Variants in ATRNL1 observed in about 807,000 individuals in gnomAD.
ATRNL1 encodes the protein attractin-like protein 1.
A neutral mutation model predicts 182.7 loss-of-function variants in ATRNL1; 95 were observed. The observed-to-expected ratio is 0.52, with a 90% CI of 0.44 to 0.62. ATRNL1 has a LOEUF of 0.62. Among genes scored for constraint, ATRNL1 ranks in the 20% least tolerant of loss-of-function variants. The pLI is 0.00. For synonymous variants in ATRNL1, 576 were observed against 568.3 expected (o/e 1.01, Z -0.19); for missense variants, 1,471 against 1,679.5 (o/e 0.88, Z 2.17).
At chr10:115,801,093 G>C (rs10787601) in intron 27 of ATRNL1, among the ~76,000 whole-genome samples, 73,228 of 152,020 alleles carry the variant, frequency 0.48, 18,942 homozygotes, top group East Asian at 0.76. Flanking sequence ...ACACAGGCTT[G>C]CCCATCTGTA....
At chr10:115,783,157 A>G (rs2960680) in intron 27 of ATRNL1, among the ~76,000 whole-genome samples, 113,923 of 151,952 alleles carry the variant, frequency 0.75, 42,785 homozygotes, top group Admixed American at 0.82. Flanking sequence ...TGAATTGTTA[A>G]CCCTTCTCAA....
intron 27 of ATRNL1, among the ~76,000 whole-genome samples, chr10:115,836,427 G>T (rs74422530): frequency 0.016 from 2,491 of 152,212 alleles, 83 homozygotes; most frequent in African/African-American, 0.057. Context: ...CCACAAACTT[G>T]GTGGCTTAAA....
intron 28 of ATRNL1, among the ~76,000 whole-genome samples, chr10:115,893,002 G>C (rs1177760053): frequency 6.6e-6 from 1 of 152,130 alleles, no homozygotes; most frequent in Non-Finnish European, 1.5e-5. Context: ...TATATGTCAT[G>C]GAAACCTAGG....
At chr10:115,524,461 G>C (rs928154346) in intron 25 of ATRNL1, among the ~76,000 whole-genome samples, 1 of 152,140 alleles carries the variant, frequency 6.6e-6, no homozygotes, top group Non-Finnish European at 1.5e-5. Context: ...AGTCAGAAAA[G>C]TCTGAATTAT....
chr10:115,334,951 T>C (rs557798697), intron 19 of ATRNL1, among the ~76,000 whole-genome samples: 48 of 152,182 alleles, frequency 3.2e-4, no homozygotes, highest in Non-Finnish European at 2.2e-4. Flanking sequence ...ATTTTTCCCA[T>C]ATGTAAAATG....
chr10:115,601,971 G>A (rs1373170700), intron 26 of ATRNL1, among the ~76,000 whole-genome samples: 2 of 149,190 alleles, frequency 1.3e-5, no homozygotes, highest in African/African-American at 2.5e-5. Context: ...GTACTTTTTG[G>A]ATTTTTTTTT....
intron 28 of ATRNL1, among the ~76,000 whole-genome samples, chr10:115,911,902 C>T (rs1376109646): frequency 4.6e-5 from 7 of 152,176 alleles, no homozygotes; most frequent in African/African-American, 1.4e-4. Context: ...CTTGTTTCAT[C>T]TGCCTATTAT....
At position 115,376,276 on chromosome 10, in the gene ATRNL1, C is replaced by T. The variant is rs1356255790; in HGVS notation, c.3176-18383C>T. On this transcript the variant is annotated intron_variant, in intron 19 of 28. Coordinates refer to ENST00000355044, the MANE Select transcript of ATRNL1 (RefSeq NM_207303.4). ...GTTATCTCTTACTGCTGAAGATTCT[C>T]TGCCTTTGACTTTATTTATTTATTT... Among the ~76,000 whole-genome samples, 4 of 151,816 alleles carry T rather than the reference C, an allele frequency of 2.6e-5. No homozygotes were observed. The South Asian group carries it at 6.2e-4, about 24-fold the overall frequency.
At chr10:115,184,815 T>C (rs1265335454) in intron 8 of ATRNL1, among the ~76,000 whole-genome samples, 2 of 151,916 alleles carry the variant, frequency 1.3e-5, no homozygotes, top group African/African-American at 4.8e-5. Flanking sequence ...ATAATCATTC[T>C]GAAACGGGAT....
At chr10:115,211,179 T>G (rs1849009162) in intron 8 of ATRNL1, among the ~76,000 whole-genome samples, 1 of 151,768 alleles carries the variant, frequency 6.6e-6, no homozygotes, top group Admixed American at 6.6e-5. Flanking sequence ...CTTCCTTCCT[T>G]TATCTTTCTG....
chr10:115,753,581 A>G (rs1948508160), intron 27 of ATRNL1, among the ~76,000 whole-genome samples: 1 of 151,964 alleles, frequency 6.6e-6, no homozygotes, highest in Non-Finnish European at 1.5e-5. Flanking sequence ...ATCACTGATG[A>G]GCATTTGGGT....
chr10:115,751,258 G>T (rs537896970), intron 27 of ATRNL1, among the ~76,000 whole-genome samples: 21 of 152,124 alleles, frequency 1.4e-4, no homozygotes, highest in Admixed American at 7.2e-4. Flanking sequence ...CAATGAAATG[G>T]ATTTTCTCCT....
rs80068954 is a variant in ATRNL1, at chr10:115,834,879, T to C, written c.3904-12998T>C. On this transcript the variant is annotated intron_variant, in intron 27 of 28. Coordinates refer to ENST00000355044, the MANE Select transcript of ATRNL1 (RefSeq NM_207303.4). Reference sequence around the variant, plus strand: ...TCCACCCAAAGGGTTTAGTTTGCTTTGTTGCAGTAGTTTTTACAACTAAGA... The same window carrying C: ...TCCACCCAAAGGGTTTAGTTTGCTTCGTTGCAGTAGTTTTTACAACTAAGA... Among the ~76,000 whole-genome samples, 17 of 152,334 alleles carry C rather than the reference T, an allele frequency of 1.1e-4. No homozygotes were observed. The East Asian group carries it at 3.3e-3, about 29-fold the overall frequency.
chr10:115,508,211 CTG>C (rs1465558864), intron 24 of ATRNL1, among the ~76,000 whole-genome samples: 3 of 152,136 alleles, frequency 2.0e-5, no homozygotes, highest in African/African-American at 7.2e-5. Context: ...GTGCCAAAAA[CTG>C]TACCTATATA....
At chr10:115,595,268 C>CT (rs1284249256) in intron 26 of ATRNL1, among the ~76,000 whole-genome samples, 1 of 151,652 alleles carries the variant, frequency 6.6e-6, no homozygotes, top group African/African-American at 2.4e-5. Context: ...TTTCTTACTT[C>CT]TTTTTAGCTT....
intron 26 of ATRNL1, among the ~76,000 whole-genome samples, chr10:115,559,443 T>TGTGTGTGTGTGTGTGCGCGC (rs200694810): frequency 6.4e-5 from 5 of 77,788 alleles, no homozygotes; most frequent in East Asian, 4.5e-4. Flanking sequence ...TGTGTGTGTG[T>TGTGTGTGTGTGTGTGCGCGC]GCGCGCGCGC....
intron 9 of ATRNL1, among the ~76,000 whole-genome samples, chr10:115,234,902 T>C (rs1554900991): frequency 6.6e-6 from 1 of 152,180 alleles, no homozygotes; most frequent in Non-Finnish European, 1.5e-5. Context: ...TAAGTTTTCA[T>C]GAATGTTCAC....
At chr10:115,916,163 T>C (rs1453518732) in intron 28 of ATRNL1, among the ~76,000 whole-genome samples, 2 of 152,242 alleles carry the variant, frequency 1.3e-5, no homozygotes, top group Non-Finnish European at 2.9e-5. Context: ...TAAAGGGCAG[T>C]CACCTTCCCT....
chr10:115,250,127 A>G (rs1297462525), intron 10 of ATRNL1, among the ~76,000 whole-genome samples: 1 of 152,170 alleles, frequency 6.6e-6, no homozygotes, highest in Non-Finnish European at 1.5e-5. Context: ...TGAGCTACAT[A>G]CTTACACAGA....
Sources: gnomAD v4.1 joint callset for allele counts (sites outside exome capture counted in the v4.1 genomes callset) on GRCh38, gnomAD v4.1.1 for gene constraint, MANE v1.5 for transcripts, NCBI Gene and HGNC (gene_info 2026-07-23, HGNC 2026-07-21) for gene names.